USP6: variants seen among roughly 807,000 people sequenced by gnomAD.
USP6 encodes ubiquitin specific peptidase 6.
In USP6, 128 loss-of-function variants were observed where a neutral mutation model predicts 175.7. The ratio of observed to expected loss-of-function variants is 0.73; its 90% CI spans 0.63 to 0.84. The LOEUF is 0.84. USP6 is among the 40% of genes least tolerant of loss of function. The pLI is 0.00. For missense variants in USP6, 1,498 were observed against 1,760.3 expected (o/e 0.85, Z 2.67); for synonymous variants, 562 against 630.6 (o/e 0.89, Z 1.63).
chr17:5,147,609 C>CAATTAGGTT (rs966320761), intron 29 of USP6, among the ~76,000 whole-genome samples: 54 of 152,332 alleles, frequency 3.5e-4, no homozygotes, highest in African/African-American at 1.3e-3. Context: ...ATATTACTTA[C>CAATTAGGTT]AATTAGGTTA....
chr17:5,133,887 A>G lies in USP6; in HGVS notation c.385A>G (p.Ile129Val), dbSNP rs1207897583. 1 of 1,613,970 alleles carries G rather than the reference A, an allele frequency of 6.2e-7. No homozygotes were observed. Among genetic ancestry groups the G allele is most frequent in the East Asian group, 2.2e-5 (1 of 44,868 alleles). ...TCCTCCTCTTGGCCCTGCCCTACAG[A>G]TCATGAAGGAGAGGGGCAAGAGGTC... ...IKLKNPGRYQ[I>V]MKERGKRSSE... Residue 129 changes from isoleucine to valine, a missense_variant and splice_region_variant, in exon 15 of 38, where the codon ATC becomes GTC. By Grantham distance (29) the Ile-to-Val change is conservative. Around this residue, in one of 2 missense-constraint regions of USP6, gnomAD observed 281 missense variants for 259.6 expected, o/e 1.08. Coordinates refer to ENST00000574788, the MANE Select transcript of USP6 (RefSeq NM_001304284.2).
At chr17:5,137,072 T>G (rs779702459) in intron 18 of USP6, 49 bp from the exon 19 acceptor site, 1 of 1,598,438 alleles carries the variant, frequency 6.3e-7, no homozygotes, top group Non-Finnish European at 8.6e-7. Context: ...AAGATGGAGG[T>G]TTTTAGGGCA....
At chr17:5,167,652 C>T (rs2074122105) in intron 33 of USP6, among the ~76,000 whole-genome samples, 1 of 152,056 alleles carries the variant, frequency 6.6e-6, no homozygotes, top group Non-Finnish European at 1.5e-5. Context: ...ACATGCGCCA[C>T]AATGCCCAGC....
intron 15 of USP6, 126 bp downstream of exon 15, chr17:5,134,122 C>G: frequency 5.8e-6 from 6 of 1,029,910 alleles, no homozygotes; most frequent in Non-Finnish European, 7.3e-6. Flanking sequence ...TCTCCTGGCC[C>G]AGGGAGCAGC....
chr17:5,137,018 C>G (rs1167332303), intron 18 of USP6, 103 bp from the exon 19 acceptor site: 7 of 1,328,136 alleles, frequency 5.3e-6, no homozygotes, highest in Non-Finnish European at 7.6e-6. Flanking sequence ...TTCTGGACAC[C>G]GCCCAGTGTT....
At chr17:5,159,339 G>A (rs1165690512) in intron 31 of USP6, among the ~76,000 whole-genome samples, 1 of 152,204 alleles carries the variant, frequency 6.6e-6, no homozygotes. Context: ...GACATTTGGA[G>A]AGGGTTTACA....
intron 6 of USP6, among the ~76,000 whole-genome samples, chr17:5,127,235 C>T (rs1297227045): frequency 1.3e-5 from 2 of 152,170 alleles, no homozygotes; most frequent in Non-Finnish European, 2.9e-5. Flanking sequence ...GCTCCGCCGC[C>T]CCTAGTCCAT....
At chr17:5,157,274 C>A (rs1373138210) in intron 31 of USP6, among the ~76,000 whole-genome samples, 1 of 151,940 alleles carries the variant, frequency 6.6e-6, no homozygotes, top group African/African-American at 2.4e-5. Context: ...TCAGTACAGG[C>A]AGGGTTTCAC....
intron 31 of USP6, among the ~76,000 whole-genome samples, chr17:5,158,527 A>T (rs2073933362): frequency 6.7e-6 from 1 of 150,264 alleles, no homozygotes; most frequent in African/African-American, 2.4e-5. Context: ...AGATCACACC[A>T]CTGTACTCCA....
At chr17:5,171,801 T>C (rs2074224374) in intron 37 of USP6, 122 bp downstream of exon 37, 5 of 1,093,830 alleles carry the variant, frequency 4.6e-6, no homozygotes, top group South Asian at 3.2e-5. Flanking sequence ...AATATATAGA[T>C]GCTGTCAGTA....
At chr17:5,141,347 A>T in intron 22 of USP6, 78 bp from the exon 23 acceptor site, 2 of 1,335,546 alleles carry the variant, frequency 1.5e-6, no homozygotes, top group East Asian at 2.4e-5. Context: ...GATGTCTTTA[A>T]AAAAAAAAAA....
chr17:5,134,320 G>C (rs1190213891), intron 15 of USP6: 1 of 338,488 alleles, frequency 3.0e-6, no homozygotes, highest in African/African-American at 2.1e-5. Context: ...CAGGATGGAG[G>C]GCCCATGAGC....
chr17:5,170,546 C>T lies in USP6; in HGVS notation c.3585C>T (p.Ser1195=). 1.2e-6 allele frequency: 2 copies of T among 1,611,904 alleles called. No individual in the cohort carries two copies. The highest frequency in any genetic ancestry group is 1.7e-6 in the Non-Finnish European group (2 of 1,179,778). ...CPSSKNSSPN[S]SPRTLGRSKG... ...CCAGCAAAAACAGCAGCCCTAATAG[C>T]AGCCCACGGACTTTGGGGAGGAGCA... The change falls in exon 36 of 38, where the codon AGC becomes AGT. Residue 1195 remains serine, a synonymous_variant. Coordinates refer to ENST00000574788, the MANE Select transcript of USP6 (RefSeq NM_001304284.2).
At chr17:5,139,852 T>G (rs923626723) in intron 22 of USP6, among the ~76,000 whole-genome samples, 178 bp downstream of exon 22, 18 of 152,230 alleles carry the variant, frequency 1.2e-4, no homozygotes, top group Admixed American at 6.5e-5. Flanking sequence ...CTCAGTTCCC[T>G]CCAGGCTTCT....
chr17:5,132,576 C>T lies in USP6; in HGVS notation c.195+141C>T. ...ACTGGGAGGGGCAGCAGAGACCTGA[C>T]CCCAAGTTGCTGTAACTTTGGCAGT... On this transcript the variant is annotated intron_variant, in intron 12 of 37. Transcript: ENST00000574788. This position sits in a 1 kb window ranked among gnomAD's most constrained non-coding sequence, Gnocchi z 4.7. 1 of 1,491,276 alleles carries T rather than the reference C, an allele frequency of 6.7e-7. No individual in the cohort carries two copies. The highest frequency in any genetic ancestry group is 9.3e-7 in the Non-Finnish European group (1 of 1,070,954). 92.4% of individuals were successfully genotyped at this position (1,491,276 alleles called of 1,614,324 possible). A position where few individuals can be genotyped will look rare whatever the true frequency, so the allele number is the denominator to read the frequency against.
chr17:5,143,786 G>T (rs1405615579), intron 25 of USP6, among the ~76,000 whole-genome samples: 1 of 151,826 alleles, frequency 6.6e-6, no homozygotes. Flanking sequence ...AGGCATAGTG[G>T]TTAGTGGTGC....
intron 16 of USP6, 58 bp downstream of exon 16, chr17:5,135,340 T>C: frequency 1.3e-6 from 2 of 1,593,224 alleles, no homozygotes; most frequent in Non-Finnish European, 1.7e-6. Context: ...CAGGAGTGGG[T>C]GTCTGGTGGG....
intron 30 of USP6, among the ~76,000 whole-genome samples, chr17:5,151,051 C>G (rs1045565250): frequency 7.2e-5 from 11 of 152,124 alleles, no homozygotes; most frequent in Admixed American, 3.3e-4. Flanking sequence ...CCAGGATGAT[C>G]TTATCTTGAC....
At position 5,161,584 on chromosome 17, in the gene USP6, G is replaced by A. The variant is rs1177626442; in HGVS notation, c.2885G>A (p.Gly962Glu). The change falls in exon 32 of 38, where the codon GGG (glycine) becomes GAG (glutamate). Residue 962 changes from glycine (G) to glutamate (E), a missense_variant. Transcript: ENST00000574788. Reference protein sequence around the residue: ...PFTLRVVQKDGNSCAWCPQYR... With the variant: ...PFTLRVVQKDENSCAWCPQYR... The stretch of plus-strand genomic sequence containing the variant: ...ACTCTACGAGTTGTGCAGAAAGATG[G>A]GAACTCCTGTGCTTGGTGCCCACAG... 5.6e-6 allele frequency: 9 copies of A among 1,613,858 alleles called. No individual in the cohort carries two copies. The highest frequency in any genetic ancestry group is 7.6e-6 in the Non-Finnish European group (9 of 1,179,902).
Sources: gnomAD v4.1 joint callset for allele counts (sites outside exome capture counted in the v4.1 genomes callset) on GRCh38, gnomAD v4.1.1 for gene constraint, gnomAD v4.1.1 regional missense constraint, Gnocchi (gnomAD v3.1) non-coding constraint, MANE v1.5 for transcripts, NCBI Gene and HGNC (gene_info 2026-07-23, HGNC 2026-07-21) for gene names.